Variants in RMDN2 observed in about 807,000 individuals in gnomAD.
RMDN2 encodes the protein regulator of microtubule dynamics 2.
In RMDN2, 61 loss-of-function variants were observed where a neutral mutation model predicts 52.8. The observed-to-expected ratio is 1.16, with a 90% CI of 0.94 to 1.43. The LOEUF is 1.43. Among genes scored for constraint, RMDN2 ranks in the 40% most tolerant of loss-of-function variants. The pLI, the probability that RMDN2 is intolerant of heterozygous loss-of-function variation, is 0.00. For synonymous variants in RMDN2, 180 were observed against 153.1 expected (o/e 1.18, Z -1.30); for missense variants, 592 against 475.3 (o/e 1.25, Z -2.28).
downstream of RMDN2, among the ~76,000 whole-genome samples, chr2:38,017,947 G>T (rs1291666383): frequency 1.3e-5 from 2 of 150,146 alleles, no homozygotes; most frequent in East Asian, 2.0e-4. Flanking sequence ...CAAGGGTGGG[G>T]GTAACAAGGT....
intron 5 of RMDN2, among the ~76,000 whole-genome samples, chr2:37,986,205 C>T (rs1360883566): frequency 1.3e-5 from 2 of 152,024 alleles, no homozygotes; most frequent in African/African-American, 2.4e-5. Context: ...AACTGGAACT[C>T]GTTGAGAGGA....
At chr2:38,019,284 C>G (rs1679160326), downstream of RMDN2, among the ~76,000 whole-genome samples, 1 of 152,152 alleles carries the variant, frequency 6.6e-6, no homozygotes, top group Non-Finnish European at 1.5e-5. Flanking sequence ...TGAGGACTAC[C>G]AAGAAACACT....
chr2:37,985,341 C>A (rs1419461410), intron 5 of RMDN2, among the ~76,000 whole-genome samples: 1 of 152,004 alleles, frequency 6.6e-6, no homozygotes, highest in Non-Finnish European at 1.5e-5. Context: ...GAAAGAGAAC[C>A]AAGACAGATT....
At chr2:37,928,226 A>G (rs1666442376) in intron 1 of RMDN2, among the ~76,000 whole-genome samples, 1 of 152,230 alleles carries the variant, frequency 6.6e-6, no homozygotes, top group African/African-American at 2.4e-5. Flanking sequence ...GTGAAATAGG[A>G]ATCCAAAGAC....
chr2:38,064,188 T>C (rs1383301978), intron 10 of RMDN2, among the ~76,000 whole-genome samples: 1 of 152,150 alleles, frequency 6.6e-6, no homozygotes, highest in Non-Finnish European at 1.5e-5. Context: ...AAGCTCAATT[T>C]GTAAGCAAAG....
chr2:37,981,052 A>G (rs576280781), intron 4 of RMDN2, among the ~76,000 whole-genome samples: 63 of 152,238 alleles, frequency 4.1e-4, no homozygotes, highest in Non-Finnish European at 8.1e-4. Context: ...AAACCTTAGC[A>G]TACATCAGAA....
At chr2:37,994,100 A>C (rs1384204293) in intron 7 of RMDN2, among the ~76,000 whole-genome samples, 8 of 152,208 alleles carry the variant, frequency 5.3e-5, no homozygotes, top group Non-Finnish European at 1.0e-4. Context: ...AACAATGATG[A>C]GTTCACAGTC....
chr2:37,929,783 A>T, intron 2 of RMDN2, 54 bp downstream of exon 2: 20 of 1,204,630 alleles, frequency 1.7e-5, no homozygotes, highest in Non-Finnish European at 2.3e-5. Flanking sequence ...CATTATTACT[A>T]TTATTTAGGT....
intron 10 of RMDN2, among the ~76,000 whole-genome samples, chr2:38,015,621 T>A (rs1678661702): frequency 6.6e-6 from 1 of 151,372 alleles, no homozygotes; most frequent in African/African-American, 2.4e-5. Context: ...ATGCTTTGGA[T>A]TTTACTCAGA....
chr2:37,992,761 C>G (rs1336629624), intron 7 of RMDN2, among the ~76,000 whole-genome samples: 1 of 152,154 alleles, frequency 6.6e-6, no homozygotes, highest in Non-Finnish European at 1.5e-5. Context: ...GTGTACGTGG[C>G]TCTTGTAAGC....
intron 2 of RMDN2, among the ~76,000 whole-genome samples, chr2:37,973,569 G>GA: frequency 6.6e-6 from 1 of 152,216 alleles, no homozygotes; most frequent in African/African-American, 2.4e-5. Flanking sequence ...TATGGGAAAA[G>GA]AAAAAAGCAT....
intron 2 of RMDN2, chr2:37,950,140 G>T: frequency 5.1e-6 from 1 of 194,266 alleles, no homozygotes; most frequent in Non-Finnish European, 1.1e-5. Context: ...CTGGGGTAAA[G>T]AATGTTCAAG....
At chr2:37,978,301 G>A (rs1174681169) in intron 4 of RMDN2, among the ~76,000 whole-genome samples, 1 of 132,788 alleles carries the variant, frequency 7.5e-6, no homozygotes, top group African/African-American at 2.9e-5. Context: ...GCATCAGAGG[G>A]AGACCGTGCA....
chr2:38,000,961 G>A (rs1676240887), intron 8 of RMDN2, among the ~76,000 whole-genome samples: 1 of 152,160 alleles, frequency 6.6e-6, no homozygotes, highest in South Asian at 2.1e-4. Flanking sequence ...GGCATGGCTG[G>A]AAACCACTGG....
At chr2:38,045,292 G>A (rs1251274788) in intron 10 of RMDN2, among the ~76,000 whole-genome samples, 3 of 151,998 alleles carry the variant, frequency 2.0e-5, no homozygotes, top group African/African-American at 4.8e-5. Context: ...TTCAACAGTC[G>A]AACCAGTTTT....
rs1026914273 is a variant in RMDN2, at chr2:37,925,312, G to C, written c.-130G>C. ...ATCTGGGTCAGGACGCGACGGCCGC[G>C]GCGCGGGACCTTAGGACCCGCGGGC... On this transcript the variant is annotated 5_prime_UTR_variant, in exon 1 of 11. Transcript: ENST00000354545. 1 of 152,244 alleles carries C rather than the reference G, an allele frequency of 6.6e-6. No individual in the cohort carries two copies. The highest frequency in any genetic ancestry group is 1.5e-5 in the Non-Finnish European group (1 of 68,074). The allele number at this position is 152,244 out of a possible 1,614,324, so 9.4% of individuals were successfully genotyped here. A position where few individuals can be genotyped will look rare whatever the true frequency, so the allele number is the denominator to read the frequency against.
intron 7 of RMDN2, among the ~76,000 whole-genome samples, chr2:37,993,675 G>A (rs1675122428): frequency 6.7e-6 from 1 of 150,068 alleles, no homozygotes; most frequent in Admixed American, 6.7e-5. Context: ...CCTTTGTTGG[G>A]ACTGGGGGAC....
upstream of RMDN2, among the ~76,000 whole-genome samples, chr2:37,921,636 A>G (rs1347183448): frequency 1.3e-5 from 2 of 152,184 alleles, no homozygotes; most frequent in African/African-American, 4.8e-5. Flanking sequence ...AAGGGCTATG[A>G]TGTTCTTGTA....
chr2:37,981,386 C>G (rs1238210165), intron 5 of RMDN2, 43 bp downstream of exon 5: 3 of 1,261,262 alleles, frequency 2.4e-6, no homozygotes, highest in East Asian at 2.3e-5. Flanking sequence ...TTCTAACCTG[C>G]CTCTTTATAA....
Sources: allele counts gnomAD v4.1 joint callset (sites outside exome capture counted in the v4.1 genomes callset), GRCh38; gene constraint gnomAD v4.1.1; transcripts MANE v1.5; gene names NCBI Gene and HGNC (gene_info 2026-07-23, HGNC 2026-07-21).